The following PSD3 variants were observed in gnomAD, a reference collection of about 807,000 sequenced individuals.
The protein encoded by PSD3 is pleckstrin and Sec7 domain containing 3, also known as PH and SEC7 domain-containing protein 3.
PSD3 carries 49 observed loss-of-function variants against 105.5 expected under a neutral mutation model. That is an observed-to-expected ratio of 0.46 (90% CI 0.37 to 0.59). The LOEUF (loss-of-function observed/expected upper bound fraction) is 0.59. PSD3 is among the 20% of genes least tolerant of loss of function. PSD3 has a pLI of 0.00. For missense variants in PSD3, 1,561 were observed against 1,263.8 expected, an observed-to-expected ratio of 1.24 and a Z score of -3.57; for synonymous variants, 557 against 457.8, an observed-to-expected ratio of 1.22 and a Z score of -2.77.
At chr8:19,075,630 G>A (rs1829442253) in intron 1 of PSD3, among the ~76,000 whole-genome samples, 1 of 152,166 alleles carries the variant, frequency 6.6e-6, no homozygotes, top group African/African-American at 2.4e-5. Flanking sequence ...CTGACTCAAT[G>A]GAATAAAAAT....
At chr8:18,962,371 G>A (rs1408007870) in intron 1 of PSD3, among the ~76,000 whole-genome samples, 3 of 152,080 alleles carry the variant, frequency 2.0e-5, no homozygotes, top group African/African-American at 4.8e-5. Context: ...TAAATACCAC[G>A]AATTGCCTTT....
At chr8:18,700,692 G>C (rs1472185348) in intron 9 of PSD3, among the ~76,000 whole-genome samples, 1 of 152,132 alleles carries the variant, frequency 6.6e-6, no homozygotes, top group Non-Finnish European at 1.5e-5. Flanking sequence ...CCAATACGTA[G>C]AATACTGCAA....
At position 18,686,058 on chromosome 8, in the gene PSD3, A is replaced by C. The variant is rs188413305; in HGVS notation, c.2173-30373T>G. 1.7e-3 allele frequency among the ~76,000 whole-genome samples: 260 copies of C among 152,226 alleles called. 1 individual carries two copies. The highest frequency in any genetic ancestry group is 5.7e-3 in the African/African-American group (237 of 41,530). On this transcript the variant is annotated intron_variant, in intron 9 of 15. Transcript: ENST00000327040. Reference sequence around the variant, plus strand: ...AAACAAACAACAACAACAACAACAAAAACTAAAACCATATGGTAGGATGTA... The same window carrying C: ...AAACAAACAACAACAACAACAACAACAACTAAAACCATATGGTAGGATGTA...
At chr8:18,754,373 G>A (rs1262970960) in intron 9 of PSD3, among the ~76,000 whole-genome samples, 1 of 152,142 alleles carries the variant, frequency 6.6e-6, no homozygotes, top group Non-Finnish European at 1.5e-5. Context: ...GACAGGGTGA[G>A]ACTCCATCTC....
At chr8:18,781,569 T>C (rs1338149361) in intron 8 of PSD3, among the ~76,000 whole-genome samples, 1 of 152,196 alleles carries the variant, frequency 6.6e-6, no homozygotes, top group Non-Finnish European at 1.5e-5. Flanking sequence ...TGCTAAGAAA[T>C]TTGCTATTAG....
At chr8:18,668,055 C>G (rs1471832458) in intron 9 of PSD3, among the ~76,000 whole-genome samples, 2 of 152,224 alleles carry the variant, frequency 1.3e-5, no homozygotes, top group African/African-American at 4.8e-5. Flanking sequence ...GGTTCCCGCC[C>G]AGGCCTCTCC....
At chr8:19,078,553 G>C (rs1019222841) in intron 1 of PSD3, among the ~76,000 whole-genome samples, 1 of 151,928 alleles carries the variant, frequency 6.6e-6, no homozygotes, top group Non-Finnish European at 1.5e-5. Flanking sequence ...TTTCTCCTCT[G>C]CTCTCTGCTC....
At chr8:19,012,463 AG>A (rs1381262441) in intron 1 of PSD3, among the ~76,000 whole-genome samples, 2 of 152,198 alleles carry the variant, frequency 1.3e-5, no homozygotes, top group Non-Finnish European at 1.5e-5. Flanking sequence ...TTCCTTTAGC[AG>A]GGGACATCCT....
intron 15 of PSD3, among the ~76,000 whole-genome samples, chr8:18,544,171 CAAAAAA>C (rs201016537): frequency 3.7e-5 from 4 of 106,720 alleles, no homozygotes; most frequent in South Asian, 3.7e-4. Flanking sequence ...AGAAACAAAC[CAAAAAA>C]AAAAAAAAAA....
At position 18,719,481 on chromosome 8, in the gene PSD3, C is replaced by A. The variant is rs117532506; in HGVS notation, c.2172+45968G>T. ...TCTTTATTATGTGCTACTAGTCATA[C>A]TGCTTTAAAACAATATTCATATTTG... On this transcript the variant is annotated intron_variant, in intron 9 of 15. Transcript: ENST00000327040. 1.4e-4 allele frequency among the ~76,000 whole-genome samples: 22 copies of A among 152,286 alleles called. No homozygotes were observed. In the East Asian group the frequency reaches 4.0e-3, roughly 28 times the overall value.
At chr8:18,909,879 C>A (rs577637320) in intron 2 of PSD3, among the ~76,000 whole-genome samples, 1 of 152,168 alleles carries the variant, frequency 6.6e-6, no homozygotes, top group Admixed American at 6.5e-5. Context: ...TTACTTCTAT[C>A]GTATTCCTGA....
chr8:18,599,484 C>G (rs534241030), intron 12 of PSD3, among the ~76,000 whole-genome samples: 5 of 152,140 alleles, frequency 3.3e-5, no homozygotes, highest in African/African-American at 7.2e-5. Context: ...TGGAAACGAC[C>G]TAAGTGTCCA....
Position 18,575,274 on chromosome 8 carries a change from C to A in PSD3, c.2493G>T (p.Lys831Asn). The change falls in exon 13 of 16, where the codon AAG becomes AAT. Residue 831 changes from lysine to asparagine, a missense_variant. Transcript: ENST00000327040. ...TVLYLQKDEY[K>N]PEKALSEEDL... The stretch of plus-strand genomic sequence containing the variant: ...CCTCTTCAGACAAGGCCTTTTCTGG[C>A]TTGTATTCATCCTATAGATGGACAC... 6.2e-7 allele frequency: 1 copy of A among 1,608,444 alleles called. No individual in the cohort carries two copies. Among genetic ancestry groups the A allele is most frequent in the Non-Finnish European group, 8.5e-7 (1 of 1,177,208 alleles).
At chr8:18,783,806 G>A (rs1366474914) in intron 8 of PSD3, among the ~76,000 whole-genome samples, 1 of 152,048 alleles carries the variant, frequency 6.6e-6, no homozygotes, top group African/African-American at 2.4e-5. Flanking sequence ...CAAATTTTTT[G>A]TATTCTGAAG....
At chr8:18,752,667 T>C (rs1374970052) in intron 9 of PSD3, among the ~76,000 whole-genome samples, 10 of 99,744 alleles carry the variant, frequency 1.0e-4, no homozygotes, top group Non-Finnish European at 1.6e-4. Flanking sequence ...TTATATTTGA[T>C]ATATATCAAA....
At chr8:18,990,425 A>G (rs1825726869) in intron 1 of PSD3, among the ~76,000 whole-genome samples, 1 of 152,128 alleles carries the variant, frequency 6.6e-6, no homozygotes. Flanking sequence ...TTTTCTGCCC[A>G]TGGCCATTGT....
At chr8:19,040,490 G>A (rs1736757213) in intron 1 of PSD3, among the ~76,000 whole-genome samples, 1 of 152,196 alleles carries the variant, frequency 6.6e-6, no homozygotes, top group South Asian at 2.1e-4. Context: ...ATAGGCGTGA[G>A]CCACTGCATT....
chr8:18,785,000 C>T (rs1238739429), intron 8 of PSD3, among the ~76,000 whole-genome samples: 1 of 152,078 alleles, frequency 6.6e-6, no homozygotes, highest in African/African-American at 2.4e-5. Flanking sequence ...GGTTATTTCC[C>T]CTAACAACCT....
At chr8:18,601,008 T>C (rs1055095830) in intron 11 of PSD3, among the ~76,000 whole-genome samples, 10 of 152,378 alleles carry the variant, frequency 6.6e-5, no homozygotes, top group African/African-American at 2.4e-4. Context: ...TGTAATGTAC[T>C]ATTTTCGTCT....
Sources: gnomAD v4.1 joint callset for allele counts (sites outside exome capture counted in the v4.1 genomes callset) on GRCh38, gnomAD v4.1.1 for gene constraint, MANE v1.5 for transcripts, NCBI Gene and HGNC (gene_info 2026-07-23, HGNC 2026-07-21) for gene names.